Variants in SLC13A3 observed in about 807,000 individuals in gnomAD.
SLC13A3 encodes the protein Na(+)/dicarboxylate cotransporter 3.
A neutral mutation model predicts 59.0 loss-of-function variants in SLC13A3; 40 were observed. That is an observed-to-expected ratio of 0.68 (90% CI 0.53 to 0.88). The LOEUF is 0.88. Ranked by LOEUF, SLC13A3 falls within the 40% of genes least tolerant of loss-of-function variation. SLC13A3 has a pLI of 0.00. For synonymous variants in SLC13A3, 317 were observed against 330.3 expected (o/e 0.96, Z 0.44); for missense variants, 699 against 783.2 (o/e 0.89, Z 1.28).
chr20:46,570,687 T>G (rs1304689747), intron 10 of SLC13A3, among the ~76,000 whole-genome samples: 2 of 152,188 alleles, frequency 1.3e-5, no homozygotes, highest in Non-Finnish European at 2.9e-5. Flanking sequence ...CTTTCACCAT[T>G]GCAAAGTTGA....
chr20:46,584,919 A>G (rs1035172416), intron 8 of SLC13A3, among the ~76,000 whole-genome samples: 2 of 152,230 alleles, frequency 1.3e-5, no homozygotes, highest in African/African-American at 4.8e-5. Flanking sequence ...ATTATGAAGT[A>G]CACTGCATCT....
intron 1 of SLC13A3, among the ~76,000 whole-genome samples, chr20:46,657,772 C>G (rs760079706): frequency 6.6e-6 from 1 of 152,116 alleles, no homozygotes; most frequent in Non-Finnish European, 1.5e-5. Context: ...AGCTTTTACT[C>G]GTGGCAGAAG....
Position 46,570,162 on chromosome 20 carries a change from G to A in SLC13A3, c.1333-3772C>T, listed in dbSNP as rs56181685. 2.8e-3 allele frequency among the ~76,000 whole-genome samples: 431 copies of A among 152,328 alleles called. 2 individuals are homozygous for A. The highest frequency in any genetic ancestry group is 9.9e-3 in the African/African-American group (413 of 41,574). On this transcript the variant is annotated intron_variant, in intron 10 of 12. Transcript: ENST00000279027. ...AAATTAATTAACATCTCTGTTCCTT[G>A]ATTTCTTTAAGCGATTGCAGTAAGG... is the stretch of plus-strand genomic sequence containing the variant.
chr20:46,585,944 G>C (rs2062186508), intron 8 of SLC13A3, among the ~76,000 whole-genome samples: 1 of 152,112 alleles, frequency 6.6e-6, no homozygotes, highest in Admixed American at 6.5e-5. Flanking sequence ...CAGTATGGTA[G>C]CCACAAGCCA....
chr20:46,624,609 T>C (rs2062649636), intron 1 of SLC13A3, among the ~76,000 whole-genome samples: 1 of 152,220 alleles, frequency 6.6e-6, no homozygotes, highest in Admixed American at 6.5e-5. Flanking sequence ...TTAGGATGGA[T>C]AGCAGCAAAA....
rs568639642 is a variant in SLC13A3 at position 46,558,622 on chromosome 20, T to G, written c.*1400A>C. 1.3e-4 allele frequency: 20 copies of G among 152,254 alleles called. No individual in the cohort carries two copies. Among genetic ancestry groups the G allele is most frequent in the African/African-American group, 4.8e-4 (20 of 41,540 alleles). The allele number at this position is 152,254 out of a possible 1,614,324, so 9.4% of individuals were successfully genotyped here. A position where few individuals can be genotyped will look rare whatever the true frequency, so the allele number is the denominator to read the frequency against. The stretch of plus-strand genomic sequence containing the variant: ...TGCTCACTTGGAAAGGAGGTGGAGC[T>G]CAACTTCCAACTCAGAGGGCCTCTC... On this transcript the variant is annotated 3_prime_UTR_variant, in exon 13 of 13. Transcript: ENST00000279027.
chr20:46,647,977 G>A (rs1274314675), intron 1 of SLC13A3, among the ~76,000 whole-genome samples: 1 of 152,228 alleles, frequency 6.6e-6, no homozygotes, highest in Admixed American at 6.5e-5. Flanking sequence ...CATGGCGCCA[G>A]AATATCCATG....
intron 1 of SLC13A3, among the ~76,000 whole-genome samples, chr20:46,620,380 AACTT>A (rs1266033613): frequency 1.6e-4 from 25 of 152,226 alleles, no homozygotes; most frequent in Non-Finnish European, 2.1e-4. Context: ...AACTCATACT[AACTT>A]ATTATCACAT....
chr20:46,651,198 G>A, intron 1 of SLC13A3, 113 bp downstream of exon 1: 4 of 1,356,038 alleles, frequency 2.9e-6, no homozygotes, highest in Non-Finnish European at 3.8e-6. Context: ...AGGCGAGGGG[G>A]TCTGGTGGAG....
At position 46,610,611 on chromosome 20, in the gene SLC13A3, T is replaced by C. The variant is rs1360369644; in HGVS notation, c.378-2A>G. 6.2e-7 allele frequency: 1 copy of C among 1,610,886 alleles called. No homozygotes were observed. Among genetic ancestry groups the C allele is most frequent in the Non-Finnish European group, 8.5e-7 (1 of 1,178,634 alleles). On this transcript the variant is annotated splice_acceptor_variant, in intron 2 of 12. Coordinates refer to ENST00000279027, the MANE Select transcript of SLC13A3 (RefSeq NM_022829.6). LOFTEE classifies it high-confidence loss of function. ...GTCACCATCATCCCCAGGATGAGCC[T>C]GCAGAGCAGATGGCATTAGAGGCAA...
chr20:46,584,162 CA>C lies in SLC13A3; in HGVS notation c.1122-494del, dbSNP rs377301307. On this transcript the variant is annotated intron_variant, in intron 8 of 12. Transcript: ENST00000279027. ...CAAAACCTAACTGTCACGTTTCAAG[CA>C]TCCACAATGTGTCCTTTAGGGGAGT... The C allele has an allele frequency of 2.1e-5, 21 of 985,360 alleles. No individual in the cohort carries two copies. The East Asian group carries it at 1.2e-3, about 59-fold the overall frequency. 61.0% of individuals were successfully genotyped at this position (985,360 alleles called of 1,614,324 possible). A position where few individuals can be genotyped will look rare whatever the true frequency, so the allele number is the denominator to read the frequency against.
intron 1 of SLC13A3, among the ~76,000 whole-genome samples, chr20:46,657,306 G>A (rs1164320283): frequency 6.6e-6 from 1 of 151,484 alleles, no homozygotes; most frequent in Non-Finnish European, 1.5e-5. Context: ...CCGGGAGGCA[G>A]AAGTTACAGT....
intron 5 of SLC13A3, among the ~76,000 whole-genome samples, chr20:46,594,305 A>G (rs1470100208): frequency 6.6e-6 from 1 of 151,788 alleles, no homozygotes; most frequent in Non-Finnish European, 1.5e-5. Flanking sequence ...TAAATATGAA[A>G]TAGACATATA....
chr20:46,672,303 C>G (rs556059398), upstream of SLC13A3, among the ~76,000 whole-genome samples: 1 of 152,244 alleles, frequency 6.6e-6, no homozygotes, highest in East Asian at 1.9e-4. Context: ...TCCTGGGGTT[C>G]CTGGTGCTGC....
chr20:46,637,210 G>C (rs753553014), intron 1 of SLC13A3, among the ~76,000 whole-genome samples: 26 of 152,178 alleles, frequency 1.7e-4, no homozygotes, highest in Non-Finnish European at 3.7e-4. Context: ...GTGAGTGAAG[G>C]GGAAGCTGGT....
chr20:46,596,106 G>A, intron 5 of SLC13A3, 51 bp downstream of exon 5: 1 of 1,526,380 alleles, frequency 6.6e-7, no homozygotes, highest in Non-Finnish European at 9.0e-7. Context: ...AAGGAGGGAA[G>A]AGGAGGGGAG....
intron 8 of SLC13A3, among the ~76,000 whole-genome samples, chr20:46,587,574 C>A (rs1465569315): frequency 6.6e-6 from 1 of 152,330 alleles, no homozygotes; most frequent in African/African-American, 2.4e-5. Flanking sequence ...TCTTCCTAAG[C>A]TTTGGCTCTT....
chr20:46,583,451 G>A (rs1238257525), intron 9 of SLC13A3, 121 bp downstream of exon 9: 1 of 1,488,306 alleles, frequency 6.7e-7, no homozygotes, highest in Non-Finnish European at 8.9e-7. Context: ...CTCAGACAGT[G>A]AAAGGAGAAG....
intron 12 of SLC13A3, among the ~76,000 whole-genome samples, chr20:46,561,650 G>GA (rs1555874163): frequency 7.2e-6 from 1 of 138,694 alleles, no homozygotes; most frequent in African/African-American, 2.6e-5. Context: ...TCTTATTCAA[G>GA]TTTTTTTTTG....
Sources: gnomAD v4.1 joint callset for allele counts (sites outside exome capture counted in the v4.1 genomes callset) on GRCh38, gnomAD v4.1.1 for gene constraint, MANE v1.5 for transcripts, NCBI Gene and HGNC (gene_info 2026-07-23, HGNC 2026-07-21) for gene names.